The following CD86 variants were observed in gnomAD, a reference collection of about 807,000 sequenced individuals.
CD86 encodes the protein T-lymphocyte activation antigen CD86.
CD86 carries 11 observed loss-of-function variants against 32.1 expected under a neutral mutation model. That is an observed-to-expected ratio of 0.34 (90% confidence interval 0.22 to 0.57). The LOEUF is 0.57. Ranked by LOEUF, CD86 falls within the 20% of genes least tolerant of loss-of-function variation. The pLI is 0.86. For missense variants in CD86, 359 were observed against 398.4 expected, an observed-to-expected ratio of 0.90 and a Z score of 0.84; for synonymous variants, 137 against 135.3, an observed-to-expected ratio of 1.01 and a Z score of -0.09.
At chr3:122,091,463 A>C in intron 1 of CD86, 138 bp from the exon 2 acceptor site, 1 of 703,528 alleles carries the variant, frequency 1.4e-6, no homozygotes, top group Non-Finnish European at 2.6e-6. Flanking sequence ...AATGGCTTTG[A>C]TGAAGCCCTG....
intron 3 of CD86, among the ~76,000 whole-genome samples, chr3:122,105,238 AACTT>A (rs1308886986): frequency 6.6e-6 from 1 of 152,220 alleles, no homozygotes; most frequent in African/African-American, 2.4e-5. Context: ...GAAAAACTCT[AACTT>A]ACGCAACATG....
chr3:122,093,242 G>A (rs866522376), intron 2 of CD86, among the ~76,000 whole-genome samples: 3 of 152,000 alleles, frequency 2.0e-5, no homozygotes, highest in Non-Finnish European at 4.4e-5. Context: ...CTGTGGCCTC[G>A]ATTACCTGGG....
chr3:122,088,377 T>C (rs1371060241), intron 1 of CD86, among the ~76,000 whole-genome samples: 1 of 152,172 alleles, frequency 6.6e-6, no homozygotes, highest in Non-Finnish European at 1.5e-5. Flanking sequence ...CTTTTTCTTA[T>C]TGATTTATAG....
chr3:122,062,391 AT>A (rs35938587), intron 1 of CD86, among the ~76,000 whole-genome samples: 3 of 151,962 alleles, frequency 2.0e-5, no homozygotes, highest in African/African-American at 7.3e-5. Flanking sequence ...TCCTTAGTAC[AT>A]TTTTTTTCAG....
chr3:122,067,261 A>G (rs1253460036), intron 1 of CD86, among the ~76,000 whole-genome samples: 1 of 152,032 alleles, frequency 6.6e-6, no homozygotes, highest in Non-Finnish European at 1.5e-5. Context: ...CGGGTCTTTA[A>G]AGGAAGGAAG....
At chr3:122,060,382 G>C (rs574115294) in intron 1 of CD86, among the ~76,000 whole-genome samples, 13 of 152,224 alleles carry the variant, frequency 8.5e-5, no homozygotes, top group African/African-American at 3.1e-4. Flanking sequence ...CAGAAAGTCT[G>C]GTGATAAAAT....
At chr3:122,067,282 A>G (rs1275893423) in intron 1 of CD86, among the ~76,000 whole-genome samples, 1 of 152,220 alleles carries the variant, frequency 6.6e-6, no homozygotes. Context: ...TTTCATAATC[A>G]AATTGTTTTC....
intron 1 of CD86, among the ~76,000 whole-genome samples, chr3:122,076,496 G>T (rs1479088297): frequency 6.6e-6 from 1 of 152,186 alleles, no homozygotes; most frequent in Non-Finnish European, 1.5e-5. Context: ...CCCCAGGTGG[G>T]ATCTATCTGT....
At chr3:122,078,268 T>A (rs2072582300) in intron 1 of CD86, among the ~76,000 whole-genome samples, 1 of 152,186 alleles carries the variant, frequency 6.6e-6, no homozygotes, top group South Asian at 2.1e-4. Context: ...GATCCCTTCA[T>A]CTGTTTTTCG....
intron 1 of CD86, among the ~76,000 whole-genome samples, chr3:122,073,338 A>T (rs1017459795): frequency 2.0e-5 from 3 of 151,760 alleles, no homozygotes; most frequent in Non-Finnish European, 4.4e-5. Context: ...ATATGTTCAG[A>T]TCTTTTGCTC....
chr3:122,066,253 T>A (rs2072411433), intron 1 of CD86, among the ~76,000 whole-genome samples: 2 of 152,170 alleles, frequency 1.3e-5, no homozygotes, highest in Admixed American at 6.5e-5. Context: ...TCTTTGTCAC[T>A]TAGAAGGTTG....
In CD86 at chr3:122,120,588, T is replaced by C. The variant is rs567953312; in HGVS notation, c.*1054T>C. 1 of 152,366 alleles carries C rather than the reference T, an allele frequency of 6.6e-6. No homozygotes were observed. The highest frequency in any genetic ancestry group is 2.1e-4 in the South Asian group (1 of 4,822). The allele number at this position is 152,366 out of a possible 1,614,324, so 9.4% of individuals were successfully genotyped here. ...ATACCCAAGTTATTGGGATGTCATCTTCCTGGAAGCAGAGCTGGGGAGGGA... is the reference window on the plus strand; with the variant it reads ...ATACCCAAGTTATTGGGATGTCATCCTCCTGGAAGCAGAGCTGGGGAGGGA... On this transcript the variant is annotated 3_prime_UTR_variant, in exon 7 of 7. Transcript: ENST00000330540.
intron 3 of CD86, among the ~76,000 whole-genome samples, chr3:122,105,053 A>AGCT (rs1193074553): frequency 6.6e-6 from 1 of 152,226 alleles, no homozygotes; most frequent in East Asian, 1.9e-4. Context: ...TAGAATGGAG[A>AGCT]GCTGCTCCCT....
At chr3:122,064,185 C>T (rs938479148) in intron 1 of CD86, among the ~76,000 whole-genome samples, 5 of 150,824 alleles carry the variant, frequency 3.3e-5, no homozygotes, top group East Asian at 1.9e-4. Context: ...AGCAGGACAA[C>T]GAAGGGTAGC....
At chr3:122,076,669 G>A (rs1169076763) in intron 1 of CD86, among the ~76,000 whole-genome samples, 1 of 152,214 alleles carries the variant, frequency 6.6e-6, no homozygotes, top group Non-Finnish European at 1.5e-5. Context: ...TGTAGTGACA[G>A]AAGGGAGATC....
At chr3:122,101,620 C>T (rs1412791518) in intron 2 of CD86, among the ~76,000 whole-genome samples, 1 of 148,994 alleles carries the variant, frequency 6.7e-6, no homozygotes. Flanking sequence ...TGAGTAATAA[C>T]ATAACATTGA....
At chr3:122,105,962 G>T (rs908781180) in intron 3 of CD86, among the ~76,000 whole-genome samples, 2 of 152,044 alleles carry the variant, frequency 1.3e-5, no homozygotes, top group Non-Finnish European at 2.9e-5. Context: ...CACTTAGAGA[G>T]CACCCCTTTG....
chr3:122,109,894 C>T (rs755591421), intron 5 of CD86, among the ~76,000 whole-genome samples: 4 of 152,104 alleles, frequency 2.6e-5, no homozygotes, highest in Non-Finnish European at 5.9e-5. Flanking sequence ...ACAATATTAA[C>T]TTTAACTAAT....
intron 2 of CD86, among the ~76,000 whole-genome samples, chr3:122,102,406 CT>C (rs1011413952): frequency 0.018 from 1,028 of 56,050 alleles, no homozygotes; most frequent in Non-Finnish European, 0.025. Flanking sequence ...CCACTGCTTA[CT>C]TTTTTTTTTT....
Sources: gnomAD v4.1 joint callset for allele counts (sites outside exome capture counted in the v4.1 genomes callset) on GRCh38, gnomAD v4.1.1 for gene constraint, MANE v1.5 for transcripts, NCBI Gene and HGNC (gene_info 2026-07-23, HGNC 2026-07-21) for gene names.